TENM2: variants seen among roughly 807,000 people sequenced by gnomAD.
TENM2 encodes teneurin transmembrane protein 2, also known as teneurin-2.
TENM2 carries 52 observed loss-of-function variants against 245.2 expected under a neutral mutation model. The ratio of observed to expected loss-of-function variants is 0.21; its 90% CI spans 0.17 to 0.27. The LOEUF is 0.27. Among genes scored for constraint, TENM2 ranks in the 10% least tolerant of loss-of-function variants. The pLI is 1.00. For synonymous variants in TENM2, 1,363 were observed against 1,438.9 expected, an observed-to-expected ratio of 0.95 and a Z score of 1.19; for missense variants, 3,046 against 3,666.8, an observed-to-expected ratio of 0.83 and a Z score of 4.37.
chr5:167,939,758 T>A (rs1253976119), intron 3 of TENM2, among the ~76,000 whole-genome samples: 1 of 152,232 alleles, frequency 6.6e-6, no homozygotes, highest in South Asian at 2.1e-4. Context: ...TAGCAAATCA[T>A]CCTCTTTCTG....
chr5:168,190,397 T>C, exon 14 of TENM2: 1 of 1,614,008 alleles, frequency 6.2e-7, no homozygotes, highest in Non-Finnish European at 8.5e-7. Flanking sequence ...CAGAACAGCC[T>C]GCTCTGCCGG....
chr5:167,584,041 G>C (rs6881950), intron 2 of TENM2, among the ~76,000 whole-genome samples: 93,900 of 152,100 alleles, frequency 0.62, 29,880 homozygotes, highest in Middle Eastern at 0.74. Flanking sequence ...TCACCTTATT[G>C]TAACAGTGTC....
At chr5:167,673,474 C>G (rs1342224019) in intron 2 of TENM2, among the ~76,000 whole-genome samples, 1 of 152,014 alleles carries the variant, frequency 6.6e-6, no homozygotes, top group African/African-American at 2.4e-5. Context: ...CTACTAAAGC[C>G]CTTGACATTT....
intron 2 of TENM2, among the ~76,000 whole-genome samples, chr5:167,740,901 A>G (rs1407104402): frequency 1.3e-5 from 2 of 152,046 alleles, no homozygotes; most frequent in African/African-American, 2.4e-5. Flanking sequence ...CAACCACCTC[A>G]GTCTTCTGTC....
chr5:168,084,414 G>C (rs966052477), intron 7 of TENM2, among the ~76,000 whole-genome samples: 4 of 152,222 alleles, frequency 2.6e-5, no homozygotes, highest in Non-Finnish European at 4.4e-5. Flanking sequence ...AGCCATGCCA[G>C]CATGTTGTTT....
At chr5:167,871,210 G>A (rs978154870) in intron 2 of TENM2, among the ~76,000 whole-genome samples, 1 of 152,152 alleles carries the variant, frequency 6.6e-6, no homozygotes, top group Non-Finnish European at 1.5e-5. Context: ...AATGGATGAT[G>A]AGTGAGGACC....
chr5:167,269,059 T>G, the TENM2 span, among the ~76,000 whole-genome samples: 2 of 152,270 alleles, frequency 1.3e-5, no homozygotes, highest in East Asian at 1.9e-4. Context: ...GTTTCCTAAT[T>G]AAGGAAGCAG....
At chr5:167,969,322 G>A (rs1369918838) in intron 4 of TENM2, among the ~76,000 whole-genome samples, 1 of 151,758 alleles carries the variant, frequency 6.6e-6, no homozygotes, top group African/African-American at 2.4e-5. Context: ...GGTTTTATAA[G>A]GGGGAGTTTC....
At chr5:167,874,967 A>G (rs568252344) in intron 2 of TENM2, among the ~76,000 whole-genome samples, 23 of 152,328 alleles carry the variant, frequency 1.5e-4, no homozygotes, top group Admixed American at 5.9e-4. Context: ...TGGGATGCCA[A>G]TGCATCACCC....
intron 5 of TENM2, among the ~76,000 whole-genome samples, chr5:168,003,345 A>ACC (rs59630722): frequency 1.4e-5 from 1 of 73,654 alleles, no homozygotes; most frequent in South Asian, 4.1e-4. Context: ...ACACACACAC[A>ACC]CCCCCAAAGC....
the TENM2 span, among the ~76,000 whole-genome samples, chr5:167,103,849 A>C: frequency 1.3e-5 from 2 of 152,026 alleles, no homozygotes; most frequent in Non-Finnish European, 2.9e-5. Context: ...AATACTGAAA[A>C]AAAAAAATGA....
intron 2 of TENM2, among the ~76,000 whole-genome samples, chr5:167,538,985 C>T (rs973369642): frequency 1.3e-5 from 2 of 152,158 alleles, no homozygotes; most frequent in African/African-American, 4.8e-5. Context: ...CACAAAATGT[C>T]AGCCTAAGAA....
chr5:167,195,115 G>A, the TENM2 span, among the ~76,000 whole-genome samples: 19 of 151,968 alleles, frequency 1.3e-4, no homozygotes, highest in East Asian at 5.8e-4. Flanking sequence ...GGAAGAAAGC[G>A]GTAAAGGATC....
intron 2 of TENM2, among the ~76,000 whole-genome samples, chr5:167,851,013 C>G (rs1770530999): frequency 6.6e-6 from 1 of 152,136 alleles, no homozygotes; most frequent in Non-Finnish European, 1.5e-5. Context: ...TAATTATTGC[C>G]CTAATCCCAG....
At chr5:167,250,360 A>G in the TENM2 span, among the ~76,000 whole-genome samples, 1 of 152,160 alleles carries the variant, frequency 6.6e-6, no homozygotes, top group Admixed American at 6.5e-5. Flanking sequence ...TAGTAGGTTA[A>G]AAGGATGTAA....
chr5:167,724,271 C>T lies in TENM2; in HGVS notation c.503-151715C>T, dbSNP rs541828126. ...TGTAAATGGTTTTGGAAAAGACAAT[C>T]TGTGGATAAATTACTAGTTTTTTTT... On this transcript the variant is annotated intron_variant, in intron 2 of 28. Coordinates refer to ENST00000518659, the Ensembl canonical transcript of TENM2. Among the ~76,000 whole-genome samples the T allele has an allele frequency of 7.7e-4, 117 of 151,930 alleles. No homozygotes were observed. The South Asian group carries it at 0.014, about 18-fold the overall frequency.
the TENM2 span, among the ~76,000 whole-genome samples, chr5:167,039,343 A>G: frequency 6.6e-6 from 1 of 152,114 alleles, no homozygotes; most frequent in South Asian, 2.1e-4. Flanking sequence ...TCTTGCAGTG[A>G]CCTAGGGCAG....
At chr5:167,263,668 T>C in the TENM2 span, among the ~76,000 whole-genome samples, 4 of 152,090 alleles carry the variant, frequency 2.6e-5, no homozygotes, top group Non-Finnish European at 5.9e-5. Context: ...GTATCTGCAC[T>C]CCCAGTTTAT....
intron 5 of TENM2, among the ~76,000 whole-genome samples, chr5:167,996,928 A>G (rs550159093): frequency 2.0e-5 from 3 of 152,108 alleles, no homozygotes; most frequent in Admixed American, 6.5e-5. Context: ...TAGTAGAGAC[A>G]GGGTTTTGCC....
Sources: allele counts gnomAD v4.1 joint callset (sites outside exome capture counted in the v4.1 genomes callset), GRCh38; gene constraint gnomAD v4.1.1; transcripts MANE v1.5; gene names NCBI Gene and HGNC (gene_info 2026-07-23, HGNC 2026-07-21).